Variants in PDCD10 observed in about 807,000 individuals in gnomAD.
PDCD10 encodes programmed cell death 10, also known as programmed cell death protein 10.
Under a neutral mutation model 29.2 loss-of-function variants are expected in PDCD10, and 4 were observed. The ratio of observed to expected loss-of-function variants is 0.14; its 90% confidence interval spans 0.07 to 0.31. PDCD10 has a LOEUF of 0.31. PDCD10 is among the 10% of genes least tolerant of loss of function. PDCD10 has a pLI of 1.00. For synonymous variants in PDCD10, 70 were observed against 82.2 expected (o/e 0.85, Z 0.80); for missense variants, 183 against 257.9 (o/e 0.71, Z 1.99).
At chr3:167,689,473 C>T (rs757752443) in intron 6 of PDCD10, among the ~76,000 whole-genome samples, 2 of 152,014 alleles carry the variant, frequency 1.3e-5, no homozygotes, top group African/African-American at 2.4e-5. Flanking sequence ...AATGTGTTTC[C>T]GGGGCTAGTC....
At chr3:167,716,700 T>C (rs1455640752) in intron 3 of PDCD10, among the ~76,000 whole-genome samples, 1 of 151,944 alleles carries the variant, frequency 6.6e-6, no homozygotes, top group African/African-American at 2.4e-5. Context: ...TTCGCAGAAA[T>C]AGCTGATTCA....
chr3:167,732,581 G>C (rs974087239), intron 2 of PDCD10, among the ~76,000 whole-genome samples: 1 of 152,112 alleles, frequency 6.6e-6, no homozygotes, highest in African/African-American at 2.4e-5. Context: ...CATCCGAATA[G>C]AAGAAATATC....
At chr3:167,714,496 A>C (rs1559968207) in intron 3 of PDCD10, among the ~76,000 whole-genome samples, 1 of 152,080 alleles carries the variant, frequency 6.6e-6, no homozygotes, top group Non-Finnish European at 1.5e-5. Flanking sequence ...AAAGGGAAGA[A>C]GTCAAATTAT....
At chr3:167,732,398 A>G (rs1395081851) in intron 2 of PDCD10, among the ~76,000 whole-genome samples, 1 of 152,218 alleles carries the variant, frequency 6.6e-6, no homozygotes, top group Non-Finnish European at 1.5e-5. Context: ...AAGCTGACAT[A>G]AGGCTCCTGC....
chr3:167,733,668 GA>G (rs1297177683), intron 2 of PDCD10, among the ~76,000 whole-genome samples: 1 of 152,120 alleles, frequency 6.6e-6, no homozygotes, highest in Middle Eastern at 3.4e-3. Context: ...TACATTATTT[GA>G]AAAAAGTGTA....
At chr3:167,728,236 T>TAAAAAA (rs199510641) in intron 2 of PDCD10, among the ~76,000 whole-genome samples, 1 of 131,112 alleles carries the variant, frequency 7.6e-6, no homozygotes, top group Non-Finnish European at 1.7e-5. Context: ...CAGTTCTCAA[T>TAAAAAA]AAAAAAAAAA....
intron 6 of PDCD10, among the ~76,000 whole-genome samples, chr3:167,692,717 G>A (rs1342358561): frequency 1.3e-5 from 2 of 152,198 alleles, no homozygotes; most frequent in Admixed American, 1.3e-4. Flanking sequence ...AAGAGATCGA[G>A]ACCATCCTGG....
chr3:167,718,671 G>A (rs187724201), intron 3 of PDCD10, among the ~76,000 whole-genome samples: 13 of 151,580 alleles, frequency 8.6e-5, no homozygotes, highest in Non-Finnish European at 7.4e-5. Context: ...AGCTAGATGC[G>A]GGACCCCACT....
At chr3:167,721,668 C>T (rs1377027866) in intron 2 of PDCD10, among the ~76,000 whole-genome samples, 1 of 152,150 alleles carries the variant, frequency 6.6e-6, no homozygotes. Flanking sequence ...TCAACACCTA[C>T]GGAAACTGTT....
chr3:167,700,912 AG>A (rs1721343087), intron 4 of PDCD10, among the ~76,000 whole-genome samples: 1 of 152,210 alleles, frequency 6.6e-6, no homozygotes, highest in African/African-American at 2.4e-5. Flanking sequence ...CCTATTCTGA[AG>A]GAAAAAATAG....
chr3:167,686,149 C>G (rs1719601205), intron 8 of PDCD10, among the ~76,000 whole-genome samples: 1 of 152,090 alleles, frequency 6.6e-6, no homozygotes, highest in African/African-American at 2.4e-5. Flanking sequence ...TAATCTTGTT[C>G]AAAAAATTCT....
intron 2 of PDCD10, among the ~76,000 whole-genome samples, chr3:167,732,081 G>A (rs1185689032): frequency 6.6e-6 from 1 of 152,142 alleles, no homozygotes; most frequent in Non-Finnish European, 1.5e-5. Flanking sequence ...GAGTAAGAAG[G>A]TAATAGTATT....
intron 2 of PDCD10, among the ~76,000 whole-genome samples, chr3:167,724,273 C>T (rs376005935): frequency 7.9e-4 from 121 of 152,352 alleles, no homozygotes; most frequent in Middle Eastern, 3.4e-3. Flanking sequence ...TAATTCTACA[C>T]TTAAAACGTT....
chr3:167,697,930 T>C (rs1396126603), intron 4 of PDCD10: 1 of 456,610 alleles, frequency 2.2e-6, no homozygotes, highest in Non-Finnish European at 4.4e-6. Context: ...TCCTGTAGGA[T>C]GCCTGCCAAT....
chr3:167,684,757 C>T (rs544053912), intron 8 of PDCD10, among the ~76,000 whole-genome samples: 1 of 152,126 alleles, frequency 6.6e-6, no homozygotes, highest in South Asian at 2.1e-4. Context: ...ATCATAATCT[C>T]AAAATTTGTA....
intron 6 of PDCD10, among the ~76,000 whole-genome samples, chr3:167,693,577 G>A (rs1031652921): frequency 1.3e-5 from 2 of 152,148 alleles, no homozygotes; most frequent in Admixed American, 1.3e-4. Context: ...ACACAATTCT[G>A]ATAGGTAGAG....
At position 167,695,717 on chromosome 3, in the gene PDCD10, T is replaced by C. The variant is rs375730075; in HGVS notation, c.274A>G (p.Met92Val). The change falls in exon 6 of 9, where the codon ATG (methionine) becomes GTG (valine). Residue 92 changes from methionine to valine, a missense_variant. Physicochemically the swap from Met to Val is conservative, Grantham distance 21. Coordinates refer to ENST00000392750, the MANE Select transcript of PDCD10 (RefSeq NM_007217.4). ...AATTCTGGCTCTGGTCGTTCAATCA[T>C]ATACTCTGATAAAATAAATACATAA... ...RMAADDVEEY[M>V]IERPEPEFQD... 2.0e-5 allele frequency: 33 copies of C among 1,613,508 alleles called. No individual in the cohort carries two copies. In the South Asian group the frequency reaches 2.1e-4, roughly 10 times the overall value.
At chr3:167,700,991 C>T (rs1275056659) in intron 4 of PDCD10, among the ~76,000 whole-genome samples, 4 of 152,130 alleles carry the variant, frequency 2.6e-5, no homozygotes, top group Non-Finnish European at 5.9e-5. Flanking sequence ...AGAGATAGGA[C>T]AACTCTACTG....
At position 167,691,204 on chromosome 3, in the gene PDCD10, T is replaced by C. The variant is rs1577323400; in HGVS notation, c.396-3511A>G. Among the ~76,000 whole-genome samples the C allele has an allele frequency of 2.0e-5, 3 of 152,328 alleles. No homozygotes were observed. The East Asian group carries it at 5.8e-4, about 29-fold the overall frequency. On this transcript the variant is annotated intron_variant, in intron 6 of 8. Transcript: ENST00000392750. ...GAACATACATGAAAATGTACCAATA[T>C]ATGACAGTGATACAAATAATTATAC...
Sources: gnomAD v4.1 joint callset for allele counts (sites outside exome capture counted in the v4.1 genomes callset) on GRCh38, gnomAD v4.1.1 for gene constraint, MANE v1.5 for transcripts, NCBI Gene and HGNC (gene_info 2026-07-23, HGNC 2026-07-21) for gene names.